CSF2RB: variants seen among roughly 807,000 people sequenced by gnomAD.
CSF2RB encodes the protein colony stimulating factor 2 receptor subunit beta.
CSF2RB carries 22 observed loss-of-function variants against 67.2 expected under a neutral mutation model. The ratio of observed to expected loss-of-function variants is 0.33; its 90% CI spans 0.23 to 0.47. The LOEUF (loss-of-function observed/expected upper bound fraction) is 0.47, where lower values mean the gene tolerates loss of function less well. Ranked by LOEUF, CSF2RB falls within the 20% of genes least tolerant of loss-of-function variation. The pLI is 1.00. For synonymous variants in CSF2RB, 507 were observed against 482.9 expected, an observed-to-expected ratio of 1.05 and a Z score of -0.65; for missense variants, 1,113 against 1,174.5, an observed-to-expected ratio of 0.95 and a Z score of 0.76.
At chr22:36,926,803 G>A (rs1007357806) in intron 4 of CSF2RB, among the ~76,000 whole-genome samples, 6 of 152,174 alleles carry the variant, frequency 3.9e-5, no homozygotes, top group South Asian at 2.1e-4. Context: ...CCTGCACTTC[G>A]AAGTCCTGGA....
intron 9 of CSF2RB, 21 bp downstream of exon 9, chr22:36,932,925 A>G (rs1379733245): frequency 2.8e-5 from 45 of 1,613,174 alleles, no homozygotes; most frequent in Middle Eastern, 1.6e-4. Flanking sequence ...TTGCCCAGGG[A>G]GGGGAGAAAC....
intron 1 of CSF2RB, among the ~76,000 whole-genome samples, chr22:36,916,481 TCC>T (rs1940715729): frequency 1.3e-5 from 2 of 152,242 alleles, no homozygotes; most frequent in Non-Finnish European, 2.9e-5. Context: ...TGTTTTCTCT[TCC>T]ATTTGGCTGT....
At position 36,926,158 on chromosome 22, in the gene CSF2RB, C is replaced by T. The variant is rs141354922; in HGVS notation, c.372C>T (p.Thr124=). 38 of 1,614,146 alleles carry T rather than the reference C, an allele frequency of 2.4e-5. No individual in the cohort carries two copies. Among genetic ancestry groups the T allele is most frequent in the Middle Eastern group, 1.7e-4 (1 of 6,026 alleles). Residue 124 remains threonine (T), a synonymous_variant, in exon 4 of 14, where the codon ACC becomes ACT. Coordinates refer to ENST00000403662, the MANE Select transcript of CSF2RB (RefSeq NM_000395.3). ...ACAGGCCTCTGGGCACCCGGCTCAC[C>T]GTCACTCTGACCCAGCATGGTGAGG... ...QPDRPLGTRL[T]VTLTQHVQPP... is the part of the protein sequence containing the mutation.
In CSF2RB at chr22:36,936,747, G is replaced by C. The variant is rs947159557; in HGVS notation, c.1568+95G>C. On this transcript the variant is annotated intron_variant, in intron 13 of 13. Transcript: ENST00000403662. Reference sequence around the variant, plus strand: ...AGGGACTCAAGTGAGGCTGCCTGTGGCTCACTGTGAAGGGATCCAAGGGAG... The same window carrying C: ...AGGGACTCAAGTGAGGCTGCCTGTGCCTCACTGTGAAGGGATCCAAGGGAG... The C allele has an allele frequency of 4.5e-6, 5 of 1,110,936 alleles. No homozygotes were observed. The African/African-American group carries it at 7.7e-5, about 17-fold the overall frequency. 68.8% of individuals were successfully genotyped at this position (1,110,936 alleles called of 1,614,324 possible).
intron 3 of CSF2RB, among the ~76,000 whole-genome samples, chr22:36,925,382 G>A (rs74711068): frequency 2.6e-5 from 4 of 152,058 alleles, no homozygotes; most frequent in Non-Finnish European, 5.9e-5. Context: ...CAGTCTATTC[G>A]CAACCGAGGA....
At position 36,932,842 on chromosome 22, in the gene CSF2RB, C is replaced by T. The variant is rs769513501; in HGVS notation, c.1090C>T (p.Arg364Ter). Residue 364 changes from arginine to a stop codon, truncating the protein, a stop_gained, in exon 9 of 14, where the codon CGA (arginine) becomes TGA (stop). Coordinates refer to ENST00000403662, the MANE Select transcript of CSF2RB (RefSeq NM_000395.3). LOFTEE classifies it high-confidence loss of function. Reference protein sequence around the residue: ...YSLRWETMKMRYEHIDHTFEI... With the variant: ...YSLRWETMKM ...CCTGCGCTGGGAAACAATGAAAATG[C>T]GATACGAACACATAGACCACACATT... 3 of 1,613,992 alleles carry T rather than the reference C, an allele frequency of 1.9e-6. No individual in the cohort carries two copies. The highest frequency in any genetic ancestry group is 2.5e-6 in the Non-Finnish European group (3 of 1,180,036).
chr22:36,914,166 G>A (rs184928017), intron 1 of CSF2RB, among the ~76,000 whole-genome samples: 196 of 152,248 alleles, frequency 1.3e-3, no homozygotes, highest in Non-Finnish European at 1.6e-3. Context: ...GCATGCTCGT[G>A]TGTTTGCCCG....
chr22:36,932,799 G>A lies in CSF2RB; in HGVS notation c.1047G>A (p.Lys349=), dbSNP rs778810539. 3.1e-6 allele frequency: 5 copies of A among 1,613,942 alleles called. No homozygotes were observed. Among genetic ancestry groups the A allele is most frequent in the Non-Finnish European group, 4.2e-6 (5 of 1,180,012 alleles). ...CCCCTCCATCCCTCAACGTGACCAA[G>A]GATGGAGACAGCTACAGCCTGCGCT... ...QMAPPSLNVT[K]DGDSYSLRWE... is the part of the protein sequence containing the mutation. Residue 349 remains lysine, a synonymous_variant, in exon 9 of 14, where the codon AAG becomes AAA. Transcript: ENST00000403662.
At chr22:36,931,833 T>A (rs1401321344) in intron 8 of CSF2RB, among the ~76,000 whole-genome samples, 1 of 152,192 alleles carries the variant, frequency 6.6e-6, no homozygotes, top group Non-Finnish European at 1.5e-5. Context: ...CTCACCTAGA[T>A]GTTGTTGAAG....
chr22:36,928,352 C>T (rs1429100092), intron 4 of CSF2RB, among the ~76,000 whole-genome samples: 3 of 152,144 alleles, frequency 2.0e-5, no homozygotes, highest in Non-Finnish European at 4.4e-5. Flanking sequence ...CCGGGAAGAG[C>T]TCCCCCTCCA....
intron 3 of CSF2RB, among the ~76,000 whole-genome samples, chr22:36,924,709 C>T (rs902337282): frequency 5.3e-5 from 8 of 152,176 alleles, no homozygotes; most frequent in Non-Finnish European, 1.2e-4. Context: ...GGTTGGGCCT[C>T]CGCCTTCTTC....
At chr22:36,921,267 C>G (rs958428050) in intron 1 of CSF2RB, among the ~76,000 whole-genome samples, 2 of 114,302 alleles carry the variant, frequency 1.7e-5, no homozygotes, top group African/African-American at 5.4e-5. Context: ...TGTGTGTGTG[C>G]ATGTTTGTGT....
chr22:36,922,337 C>T, intron 2 of CSF2RB, 54 bp downstream of exon 2: 1 of 1,507,690 alleles, frequency 6.6e-7, no homozygotes, highest in South Asian at 1.2e-5. Flanking sequence ...CTGCTGCACC[C>T]TGGGGGAGGG....
intron 1 of CSF2RB, among the ~76,000 whole-genome samples, chr22:36,919,655 C>G (rs1357842479): frequency 6.6e-6 from 1 of 152,056 alleles, no homozygotes; most frequent in African/African-American, 2.4e-5. Flanking sequence ...AAGTGATCTG[C>G]CCACCTTGGC....
intron 4 of CSF2RB, 39 bp downstream of exon 4, chr22:36,926,216 G>C (rs1209445799): frequency 6.2e-7 from 1 of 1,606,028 alleles, no homozygotes; most frequent in African/African-American, 1.3e-5. Context: ...TTGGTTTCCT[G>C]TGTGGACAGC....
Position 36,938,914 on chromosome 22 carries a change from T to A in CSF2RB, c.*412T>A. The A allele has an allele frequency of 1.7e-6, 1 of 585,760 alleles. No individual in the cohort carries two copies. 36.3% of individuals were successfully genotyped at this position (585,760 alleles called of 1,614,324 possible). A position where few individuals can be genotyped will look rare whatever the true frequency, so the allele number is the denominator to read the frequency against. ...GAGCCTTATCAGACTGAGATGCGGC[T>A]GGTTGTGTTGAGGACTTGTGTGGGC... On this transcript the variant is annotated 3_prime_UTR_variant, in exon 14 of 14. Coordinates refer to ENST00000403662, the MANE Select transcript of CSF2RB (RefSeq NM_000395.3).
rs749965216 is a variant in CSF2RB at position 36,930,509 on chromosome 22, G to C, written c.853G>C (p.Gly285Arg). 6.2e-7 allele frequency: 1 copy of C among 1,613,282 alleles called. No individual in the cohort carries two copies. The highest frequency in any genetic ancestry group is 1.3e-5 in the African/African-American group (1 of 74,884). ...GLFYKPSPDA[G>R]EEECSPVLRE... is the part of the protein sequence containing the mutation. The stretch of plus-strand genomic sequence containing the variant: ...ATTCTACAAGCCCAGCCCAGATGCA[G>C]GGTGAGCATCTTTTTTCTCCATCCC... The change falls in exon 7 of 14, where the codon GGG (glycine) becomes CGG (arginine). Residue 285 changes from glycine (G) to arginine (R), a missense_variant and splice_region_variant. Transcript: ENST00000403662.
At chr22:36,921,195 A>T (rs1940857723) in intron 1 of CSF2RB, among the ~76,000 whole-genome samples, 1 of 149,966 alleles carries the variant, frequency 6.7e-6, no homozygotes, top group Non-Finnish European at 1.5e-5. Context: ...GTGTATATAC[A>T]TGTATGTATC....
At chr22:36,929,241 A>T (rs1941091871) in intron 4 of CSF2RB, among the ~76,000 whole-genome samples, 161 bp from the exon 5 acceptor site, 1 of 152,230 alleles carries the variant, frequency 6.6e-6, no homozygotes, top group African/African-American at 2.4e-5. Flanking sequence ...TTGCAGATGA[A>T]GGGCTGAGGC....
Sources: gnomAD v4.1 joint callset for allele counts (sites outside exome capture counted in the v4.1 genomes callset) on GRCh38, gnomAD v4.1.1 for gene constraint, MANE v1.5 for transcripts, NCBI Gene and HGNC (gene_info 2026-07-23, HGNC 2026-07-21) for gene names.